Variants in RBMXL1 observed in about 807,000 individuals in gnomAD.
The protein encoded by RBMXL1 is RBMX like 1.
RBMXL1 carries 18 observed loss-of-function variants against 29.0 expected under a neutral mutation model. That is an observed-to-expected ratio of 0.62 (90% CI 0.43 to 0.92). The LOEUF is 0.92. Among genes scored for constraint, RBMXL1 ranks in the 40% least tolerant of loss-of-function variants. The pLI, the probability that RBMXL1 is intolerant of heterozygous loss-of-function variation, is 0.00. For synonymous variants in RBMXL1, 141 were observed against 170.4 expected (o/e 0.83, Z 1.34); for missense variants, 403 against 495.8 (o/e 0.81, Z 1.78).
In RBMXL1 at chr1:88,988,316, C is replaced by T; in HGVS notation, c.-305G>A. The T allele has an allele frequency of 1.2e-6, 2 of 1,613,546 alleles. No homozygotes were observed. On this transcript the variant is annotated 5_prime_UTR_variant, in exon 2 of 3. Coordinates refer to ENST00000652648, the MANE Select transcript of RBMXL1 (RefSeq NM_001162536.3). ...TGTCTTCAGGAATTTTGCTCTACCG[C>T]TAAGAGAGCAGAGGCTCCTCTGGGC...
chr1:88,992,392 A>T (rs1677860151), intron 1 of RBMXL1, among the ~76,000 whole-genome samples, 193 bp downstream of exon 1: 1 of 152,230 alleles, frequency 6.6e-6, no homozygotes, highest in African/African-American at 2.4e-5. Context: ...TCCCCCCTGG[A>T]GGCCAGTCAC....
At chr1:88,990,509 T>A (rs1220780757) in intron 1 of RBMXL1, among the ~76,000 whole-genome samples, 1 of 152,232 alleles carries the variant, frequency 6.6e-6, no homozygotes, top group Non-Finnish European at 1.5e-5. Flanking sequence ...CTCTGCAGCT[T>A]TAGATACTGG....
Position 88,979,578 on chromosome 1 carries a change from C to CA in RBMXL1, c.*3075dup, listed in dbSNP as rs1676973271. On this transcript the variant is annotated 3_prime_UTR_variant, in exon 3 of 3. Transcript: ENST00000652648. ...ACTTCACAGAAAATATACAACTGGC[C>CA]AAAAAGTACCTTAAAAGATGCTTAC... 1 of 151,950 alleles carries CA rather than the reference C, an allele frequency of 6.6e-6. No individual in the cohort carries two copies. The highest frequency in any genetic ancestry group is 1.5e-5 in the Non-Finnish European group (1 of 68,000). The allele number at this position is 151,950 out of a possible 1,614,324, so 9.4% of individuals were successfully genotyped here. A position where few individuals can be genotyped will look rare whatever the true frequency, so the allele number is the denominator to read the frequency against.
chr1:88,987,155 G>A (rs1316575586), intron 2 of RBMXL1, among the ~76,000 whole-genome samples: 1 of 152,174 alleles, frequency 6.6e-6, no homozygotes, highest in African/African-American at 2.4e-5. Context: ...CAGATATGTA[G>A]AATTAGAATG....
At chr1:88,991,134 T>TAA (rs1050752012) in intron 1 of RBMXL1, among the ~76,000 whole-genome samples, 31 of 152,288 alleles carry the variant, frequency 2.0e-4, no homozygotes, top group Non-Finnish European at 3.2e-4. Flanking sequence ...TTAGACTGTT[T>TAA]AAAATGAAGA....
rs1451931070 is a variant in RBMXL1 at position 88,980,599 on chromosome 1, C to G, written c.*2055G>C. On this transcript the variant is annotated 3_prime_UTR_variant, in exon 3 of 3. Transcript: ENST00000652648. ...AGTATAAACCCAGAAGAATCAAGAT[C>G]TGATTCTTTTTCCACACGTCTGCTA... 2.0e-5 allele frequency: 3 copies of G among 152,608 alleles called. No individual in the cohort carries two copies. The highest frequency in any genetic ancestry group is 7.2e-5 in the African/African-American group (3 of 41,452). 9.5% of individuals were successfully genotyped at this position (152,608 alleles called of 1,614,324 possible).
Position 88,980,616 on chromosome 1 carries a change from C to A in RBMXL1, c.*2038G>T, listed in dbSNP as rs555524059. 2 of 152,510 alleles carry A rather than the reference C, an allele frequency of 1.3e-5. No homozygotes were observed. The highest frequency in any genetic ancestry group is 4.1e-4 in the South Asian group (2 of 4,830). 9.4% of individuals were successfully genotyped at this position (152,510 alleles called of 1,614,324 possible). Reference sequence around the variant, plus strand: ...ATCAAGATCTGATTCTTTTTCCACACGTCTGCTAGTTCAGTAAACTATTTA... The same window carrying A: ...ATCAAGATCTGATTCTTTTTCCACAAGTCTGCTAGTTCAGTAAACTATTTA... On this transcript the variant is annotated 3_prime_UTR_variant, in exon 3 of 3. Transcript: ENST00000652648.
chr1:88,981,670 G>C lies in RBMXL1; in HGVS notation c.*984C>G. The C allele has an allele frequency of 5.6e-6, 1 of 177,550 alleles. No homozygotes were observed. 11.0% of individuals were successfully genotyped at this position (177,550 alleles called of 1,614,324 possible). On this transcript the variant is annotated 3_prime_UTR_variant, in exon 3 of 3. Transcript: ENST00000652648. ...CCGCCTTCTGCTTCAACAACTCTTAGCATTTGATTTCTCTTACTGCCAGCG... is the reference window on the plus strand; with the variant it reads ...CCGCCTTCTGCTTCAACAACTCTTACCATTTGATTTCTCTTACTGCCAGCG...
rs1677590874 is a variant in RBMXL1, at chr1:88,988,330, G to C, written c.-319C>G. The C allele has an allele frequency of 2.5e-6, 4 of 1,611,172 alleles. No homozygotes were observed. Among genetic ancestry groups the C allele is most frequent in the Non-Finnish European group, 3.4e-6 (4 of 1,178,692 alleles). On this transcript the variant is annotated 5_prime_UTR_variant, in exon 2 of 3. Coordinates refer to ENST00000652648, the MANE Select transcript of RBMXL1 (RefSeq NM_001162536.3). ...TTGCTCTACCGCTAAGAGAGCAGAG[G>C]CTCCTCTGGGCCAAAAACATGCTAT...
chr1:88,984,916 A>G (rs981271279), intron 2 of RBMXL1, among the ~76,000 whole-genome samples: 2 of 152,186 alleles, frequency 1.3e-5, no homozygotes, highest in East Asian at 1.9e-4. Flanking sequence ...TTGACTTTCC[A>G]TATGTACTGG....
intron 2 of RBMXL1, 137 bp from the exon 3 acceptor site, chr1:88,984,203 GCT>G: frequency 1.0e-5 from 1 of 98,280 alleles, no homozygotes; most frequent in South Asian, 2.6e-4. Context: ...TTTTTTTGTT[GCT>G]TTTTTTTTTT....
chr1:88,992,524 G>C (rs1677872150), intron 1 of RBMXL1, 61 bp downstream of exon 1: 1 of 152,566 alleles, frequency 6.6e-6, no homozygotes, highest in Admixed American at 6.5e-5. Flanking sequence ...CCGTACGCCG[G>C]GACGGCCCTA....
intron 2 of RBMXL1, among the ~76,000 whole-genome samples, chr1:88,987,112 G>A (rs921816592): frequency 6.6e-6 from 1 of 152,190 alleles, no homozygotes; most frequent in Non-Finnish European, 1.5e-5. Flanking sequence ...ACATACATCA[G>A]AATCAGCTGG....
intron 1 of RBMXL1, among the ~76,000 whole-genome samples, chr1:88,989,904 T>C (rs1005581452): frequency 1.3e-5 from 2 of 152,208 alleles, no homozygotes; most frequent in Non-Finnish European, 2.9e-5. Flanking sequence ...CCACGGGATA[T>C]TGGTTTCACC....
intron 2 of RBMXL1, among the ~76,000 whole-genome samples, chr1:88,986,474 T>C (rs533479003): frequency 2.6e-5 from 4 of 151,464 alleles, no homozygotes; most frequent in East Asian, 3.9e-4. Context: ...GTATGTTTAA[T>C]AGAGATGAGG....
rs532622830 is a variant in RBMXL1, at chr1:88,990,138, G to A, written c.-340-1787C>T. On this transcript the variant is annotated intron_variant, in intron 1 of 2. Coordinates refer to ENST00000652648, the MANE Select transcript of RBMXL1 (RefSeq NM_001162536.3). ...GTTTTTTCCTTCCCAGTATAATAAA[G>A]GAAATTACCCTCCTTTAAAAGGATC... 5.3e-5 allele frequency among the ~76,000 whole-genome samples: 8 copies of A among 152,106 alleles called. No homozygotes were observed. The South Asian group carries it at 1.7e-3, about 32-fold the overall frequency.
intron 2 of RBMXL1, among the ~76,000 whole-genome samples, chr1:88,986,472 A>C (rs1570851107): frequency 6.6e-6 from 1 of 151,488 alleles, no homozygotes; most frequent in East Asian, 2.0e-4. Context: ...TTGTATGTTT[A>C]ATAGAGATGA....
chr1:88,982,311 TG>T lies in RBMXL1; in HGVS notation c.*342del. On this transcript the variant is annotated 3_prime_UTR_variant, in exon 3 of 3. Transcript: ENST00000652648. ...CCATTTTAGTTGGCTAGATGTTTTG[TG>T]GAAGATCTTAGAATTGCTTGCCTCA... 1.4e-6 allele frequency: 1 copy of T among 694,652 alleles called. No homozygotes were observed. The highest frequency in any genetic ancestry group is 1.9e-6 in the Non-Finnish European group (1 of 532,412). The allele number at this position is 694,652 out of a possible 1,614,324, so 43.0% of individuals were successfully genotyped here.
rs75273787 is a variant in RBMXL1, at chr1:88,992,573, C to G, written c.-341+12G>C. ...GAAGCGCCGCGCCGCGCCGCGCGCCCGCCCCACTCACCTATCCGGTGCGGG... is the reference window on the plus strand; with the variant it reads ...GAAGCGCCGCGCCGCGCCGCGCGCCGGCCCCACTCACCTATCCGGTGCGGG... On this transcript the variant is annotated intron_variant, in intron 1 of 2. Transcript: ENST00000652648. 101 of 152,944 alleles carry G rather than the reference C, an allele frequency of 6.6e-4. No homozygotes were observed. The East Asian group carries it at 0.018, about 28-fold the overall frequency. The allele number at this position is 152,944 out of a possible 1,614,324, so 9.5% of individuals were successfully genotyped here. A position where few individuals can be genotyped will look rare whatever the true frequency, so the allele number is the denominator to read the frequency against.
Sources: gnomAD v4.1 joint callset for allele counts (sites outside exome capture counted in the v4.1 genomes callset) on GRCh38, gnomAD v4.1.1 for gene constraint, MANE v1.5 for transcripts, NCBI Gene and HGNC (gene_info 2026-07-23, HGNC 2026-07-21) for gene names.